The following CR1L variants were observed in gnomAD, a reference collection of about 807,000 sequenced individuals.
The protein encoded by CR1L is complement C3b/C4b receptor 1 like.
CR1L carries 59 observed loss-of-function variants against 62.3 expected under a neutral mutation model. The observed-to-expected ratio is 0.95, with a 90% CI of 0.77 to 1.18. The LOEUF (loss-of-function observed/expected upper bound fraction) is 1.18, where lower values mean the gene tolerates loss of function less well. CR1L is among the 50% of genes most tolerant of loss of function. CR1L has a pLI of 0.00. For synonymous variants in CR1L, 279 were observed against 248.7 expected (o/e 1.12, Z -1.15); for missense variants, 700 against 702.8 (o/e 1.00, Z 0.04).
In CR1L at chr1:207,683,886, G is replaced by A; in HGVS notation, c.392G>A (p.Gly131Asp). 1 of 1,613,178 alleles carries A rather than the reference G, an allele frequency of 6.2e-7. No homozygotes were observed. The highest frequency in any genetic ancestry group is 8.5e-7 in the Non-Finnish European group (1 of 1,179,472). The change falls in exon 4 of 12, where the codon GGT becomes GAT. Residue 131 changes from glycine (G) to aspartate (D), a missense_variant. Gly to Asp is a moderately conservative substitution (Grantham distance 94, BLOSUM62 -1). Coordinates refer to ENST00000508064, the MANE Select transcript of CR1L (RefSeq NM_175710.2). ...YSCPKGYRLI[G>D]SSSATCIISG... ...TTTGCCTCTAGATACCGACTCATTG[G>A]TTCCTCGTCTGCCACATGCATCATC...
intron 1 of CR1L, among the ~76,000 whole-genome samples, chr1:207,670,600 C>G (rs1291003275): frequency 1.3e-5 from 2 of 150,892 alleles, no homozygotes; most frequent in Admixed American, 1.3e-4. Flanking sequence ...ACTCAGGGTT[C>G]GTCCTTCTCT....
At chr1:207,683,417 G>A (rs556480208) in intron 3 of CR1L, among the ~76,000 whole-genome samples, 14 of 152,128 alleles carry the variant, frequency 9.2e-5, no homozygotes, top group African/African-American at 1.4e-4. Flanking sequence ...GATTACAGGC[G>A]TGAGCCACTG....
intron 8 of CR1L, among the ~76,000 whole-genome samples, chr1:207,699,478 A>G (rs1023252879): frequency 1.3e-5 from 2 of 152,144 alleles, no homozygotes; most frequent in Non-Finnish European, 2.9e-5. Flanking sequence ...GTCATTTTGT[A>G]TTCTATGTTC....
At chr1:207,691,917 C>T (rs1305527790) in intron 4 of CR1L, among the ~76,000 whole-genome samples, 1 of 152,172 alleles carries the variant, frequency 6.6e-6, no homozygotes, top group Admixed American at 6.5e-5. Flanking sequence ...CCAAAGTAAG[C>T]TCAGAGACTC....
intron 9 of CR1L, among the ~76,000 whole-genome samples, chr1:207,702,050 T>C (rs1229421910): frequency 6.6e-6 from 1 of 152,210 alleles, no homozygotes; most frequent in East Asian, 1.9e-4. Flanking sequence ...ACAGATGTTA[T>C]GCTTTTTACA....
chr1:207,678,289 T>C lies in CR1L; in HGVS notation c.369T>C (p.Cys123=), dbSNP rs980559132. The C allele has an allele frequency of 6.2e-7, 1 of 1,612,880 alleles. No individual in the cohort carries two copies. The highest frequency in any genetic ancestry group is 1.3e-5 in the African/African-American group (1 of 74,922). The change falls in exon 3 of 12, where the codon TGT becomes TGC. Residue 123 remains cysteine (C), a synonymous_variant. Coordinates refer to ENST00000508064, the MANE Select transcript of CR1L (RefSeq NM_175710.2). ...TCAGATCCCAAATTAAATATTCTTG[T>C]CCTAAAGGGTGAGTTGGCATCTCTT... ...IQFRSQIKYS[C]PKGYRLIGSS...
chr1:207,688,626 G>A (rs1008924043), intron 4 of CR1L, among the ~76,000 whole-genome samples: 5 of 152,046 alleles, frequency 3.3e-5, no homozygotes, highest in African/African-American at 1.2e-4. Context: ...AATCCTACTT[G>A]AATTTGTATT....
chr1:207,689,682 T>C lies in CR1L; in HGVS notation c.464-4671T>C, dbSNP rs61823003. Reference sequence around the variant, plus strand: ...GTCTCCGGAATAATTTGTGTAACATTAATATTATTTTTCCTTATATGTTTG... The same window carrying C: ...GTCTCCGGAATAATTTGTGTAACATCAATATTATTTTTCCTTATATGTTTG... On this transcript the variant is annotated intron_variant, in intron 4 of 11. Coordinates refer to ENST00000508064, the MANE Select transcript of CR1L (RefSeq NM_175710.2). 7.7e-3 allele frequency among the ~76,000 whole-genome samples: 1,179 copies of C among 152,212 alleles called. 7 individuals carry two copies. Among genetic ancestry groups the C allele is most frequent in the Non-Finnish European group, 0.012 (833 of 67,942 alleles).
chr1:207,651,046 A>G (rs1663215620), intron 1 of CR1L, among the ~76,000 whole-genome samples: 1 of 152,064 alleles, frequency 6.6e-6, no homozygotes, highest in Admixed American at 6.6e-5. Context: ...CGGCCTCCCA[A>G]ACTGCTGGGA....
chr1:207,655,344 C>G, intron 1 of CR1L: 1 of 405,796 alleles, frequency 2.5e-6, no homozygotes, highest in Non-Finnish European at 4.6e-6. Context: ...TGCCTCAGGG[C>G]ACCTTTTACA....
At chr1:207,657,391 C>A in intron 1 of CR1L, 1 of 670,996 alleles carries the variant, frequency 1.5e-6, no homozygotes, top group Non-Finnish European at 2.7e-6. Context: ...GTTTTATCTA[C>A]AAATAAAGCA....
At chr1:207,645,634 G>A (rs1438692357) in intron 1 of CR1L, among the ~76,000 whole-genome samples, 3 of 152,182 alleles carry the variant, frequency 2.0e-5, no homozygotes, top group African/African-American at 7.2e-5. Context: ...GCAAGGGGAG[G>A]GCTTACTGGG....
intron 1 of CR1L, among the ~76,000 whole-genome samples, chr1:207,676,599 C>T (rs74631495): frequency 6.6e-6 from 1 of 152,188 alleles, no homozygotes; most frequent in East Asian, 1.9e-4. Flanking sequence ...AAACGAGTCT[C>T]AGGTGCCAAA....
intron 1 of CR1L, among the ~76,000 whole-genome samples, chr1:207,653,815 T>A (rs948751497): frequency 6.6e-6 from 1 of 152,202 alleles, no homozygotes; most frequent in Non-Finnish European, 1.5e-5. Flanking sequence ...ACACAATACG[T>A]GAGACTAGAT....
At chr1:207,697,454 GA>G (rs1664118928) in intron 5 of CR1L, 48 bp from the exon 6 acceptor site, 1 of 1,612,830 alleles carries the variant, frequency 6.2e-7, no homozygotes, top group African/African-American at 1.3e-5. Flanking sequence ...AACAGTGAGA[GA>G]AAAGTTATTT....
intron 9 of CR1L, among the ~76,000 whole-genome samples, chr1:207,705,659 T>A (rs1161644045): frequency 5.9e-5 from 9 of 152,328 alleles, no homozygotes; most frequent in African/African-American, 2.2e-4. Context: ...TGAGCATTTT[T>A]AAAAATACAA....
chr1:207,697,432 C>T, intron 5 of CR1L, 71 bp from the exon 6 acceptor site: 1 of 1,611,842 alleles, frequency 6.2e-7, no homozygotes, highest in African/African-American at 1.3e-5. Context: ...TTATTATTCC[C>T]TTGGCCAGTT....
At chr1:207,707,080 A>C (rs1664279517) in intron 9 of CR1L, among the ~76,000 whole-genome samples, 1 of 152,268 alleles carries the variant, frequency 6.6e-6, no homozygotes, top group Admixed American at 6.5e-5. Flanking sequence ...TACAATATAC[A>C]TGCACACATA....
At chr1:207,673,695 G>T (rs1409756435) in intron 1 of CR1L, among the ~76,000 whole-genome samples, 4 of 152,132 alleles carry the variant, frequency 2.6e-5, no homozygotes, top group Non-Finnish European at 5.9e-5. Context: ...GGAGAAGCTG[G>T]AATTATAATA....
Sources: gnomAD v4.1 joint callset for allele counts (sites outside exome capture counted in the v4.1 genomes callset) on GRCh38, gnomAD v4.1.1 for gene constraint, MANE v1.5 for transcripts, NCBI Gene and HGNC (gene_info 2026-07-23, HGNC 2026-07-21) for gene names.